BAIAP2L2: variants seen among roughly 807,000 people sequenced by gnomAD.
BAIAP2L2 encodes the protein BAR/IMD domain containing adaptor protein 2 like 2.
BAIAP2L2 carries 65 observed loss-of-function variants against 60.4 expected under a neutral mutation model. That is an observed-to-expected ratio of 1.08 (90% CI 0.88 to 1.32). The LOEUF (loss-of-function observed/expected upper bound fraction) is 1.32. BAIAP2L2 is among the 40% of genes most tolerant of loss of function. The pLI is 0.00. For missense variants in BAIAP2L2, 836 were observed against 741.2 expected, an observed-to-expected ratio of 1.13 and a Z score of -1.48; for synonymous variants, 344 against 301.7, an observed-to-expected ratio of 1.14 and a Z score of -1.45.
chr22:38,104,035 G>A (rs2086615704), intron 4 of BAIAP2L2, among the ~76,000 whole-genome samples: 1 of 152,134 alleles, frequency 6.6e-6, no homozygotes, highest in South Asian at 2.1e-4. Context: ...AAGTTAATTG[G>A]TGGCTTCACC....
In BAIAP2L2 at chr22:38,087,014, C is replaced by CAAAACAAA. The variant is rs1305080971; in HGVS notation, c.1259+102_1259+109dup. On this transcript the variant is annotated intron_variant, in intron 11 of 13. Coordinates refer to ENST00000381669, the MANE Select transcript of BAIAP2L2 (RefSeq NM_025045.6). ...CTGTCTCAAAAAAAAAAAAACAAAACAAAACAAAAAAACAAAAAAACAAGC... is the reference window on the plus strand; with the variant it reads ...CTGTCTCAAAAAAAAAAAAACAAAACAAAACAAAAAAACAAAAAAACAAAAAAACAAGC... The CAAAACAAA allele has an allele frequency of 9.4e-6, 10 of 1,062,126 alleles. No individual in the cohort carries two copies. The East Asian group carries it at 2.9e-4, about 30-fold the overall frequency. 65.8% of individuals were successfully genotyped at this position (1,062,126 alleles called of 1,614,324 possible). A position where few individuals can be genotyped will look rare whatever the true frequency, so the allele number is the denominator to read the frequency against.
At chr22:38,104,212 A>G (rs2086618591) in intron 4 of BAIAP2L2, among the ~76,000 whole-genome samples, 1 of 152,218 alleles carries the variant, frequency 6.6e-6, no homozygotes, top group Non-Finnish European at 1.5e-5. Flanking sequence ...AATGCTTTGA[A>G]AAGGCATGGG....
intron 10 of BAIAP2L2, among the ~76,000 whole-genome samples, chr22:38,088,349 G>A (rs1437378363): frequency 6.6e-6 from 1 of 152,214 alleles, no homozygotes; most frequent in African/African-American, 2.4e-5. Context: ...CCGCAAAGAG[G>A]TGAGCACATT....
intron 7 of BAIAP2L2, chr22:38,091,558 AAC>A (rs2086300785): frequency 1.3e-5 from 2 of 152,208 alleles, no homozygotes; most frequent in African/African-American, 4.8e-5. Flanking sequence ...GGTGAGAAGA[AAC>A]ACTGCATACG....
Position 38,110,501 on chromosome 22 carries a change from A to G in BAIAP2L2, c.25T>C (p.Tyr9His), listed in dbSNP as rs997281473. 6 of 1,611,932 alleles carry G rather than the reference A, an allele frequency of 3.7e-6. No homozygotes were observed. Among genetic ancestry groups the G allele is most frequent in the Middle Eastern group, 1.7e-4 (1 of 6,038 alleles). ...TTGTAGATGGCCATGGTGGACCTGT[A>G]GAACTGGTCCATCTCGGGGGCCATG... MAPEMDQF[Y>H]RSTMAIYKSI... Residue 9 changes from tyrosine to histidine, a missense_variant, in exon 1 of 14, where the codon TAC becomes CAC. Coordinates refer to ENST00000381669, the MANE Select transcript of BAIAP2L2 (RefSeq NM_025045.6).
intron 1 of BAIAP2L2, 149 bp downstream of exon 1, chr22:38,110,326 C>T: frequency 1.3e-6 from 1 of 773,504 alleles, no homozygotes; most frequent in South Asian, 1.6e-5. Flanking sequence ...GATCCTTACC[C>T]CCGTACCCAC....
intron 4 of BAIAP2L2, among the ~76,000 whole-genome samples, chr22:38,105,743 C>T (rs988451057): frequency 7.9e-5 from 12 of 152,152 alleles, no homozygotes; most frequent in African/African-American, 2.2e-4. Flanking sequence ...TTGCATGGAA[C>T]GTGTTACGTA....
At chr22:38,109,921 C>T (rs903818751) in intron 1 of BAIAP2L2, among the ~76,000 whole-genome samples, 5 of 150,410 alleles carry the variant, frequency 3.3e-5, no homozygotes, top group East Asian at 2.0e-4. Context: ...GGTGTGAGGC[C>T]TCCAGGTGAA....
rs1428936901 is a variant in BAIAP2L2, at chr22:38,108,341, G to A, written c.128C>T (p.Ala43Val). 6.2e-7 allele frequency: 1 copy of A among 1,611,910 alleles called. No individual in the cohort carries two copies. The highest frequency in any genetic ancestry group is 2.2e-5 in the East Asian group (1 of 44,866). Residue 43 changes from alanine to valine, a missense_variant and splice_region_variant, in exon 3 of 14, where the codon GCT becomes GTT. Coordinates refer to ENST00000381669, the MANE Select transcript of BAIAP2L2 (RefSeq NM_025045.6). ...GTAGACCTCGGCCGCCTCGGACAGA[G>A]CTGTGGACCAGAAGGGACAGGTCTG... is the stretch of plus-strand genomic sequence containing the variant. ...LGNNYLRAFH[A>V]LSEAAEVYFS...
chr22:38,108,033 C>T, intron 3 of BAIAP2L2, 120 bp from the exon 4 acceptor site: 1 of 1,138,186 alleles, frequency 8.8e-7, no homozygotes, highest in Non-Finnish European at 1.3e-6. Context: ...GGACCAAAGT[C>T]CGGGAACTTC....
intron 10 of BAIAP2L2, among the ~76,000 whole-genome samples, chr22:38,087,949 C>A (rs997154233): frequency 1.3e-5 from 2 of 149,174 alleles, no homozygotes; most frequent in Admixed American, 1.3e-4. Context: ...CCTACCCAGA[C>A]GCACATCCCC....
chr22:38,091,546 T>G (rs1249578781), intron 7 of BAIAP2L2: 1 of 151,868 alleles, frequency 6.6e-6, no homozygotes, highest in Non-Finnish European at 1.5e-5. Context: ...AAATAAATGG[T>G]GGGTGAGAAG....
intron 3 of BAIAP2L2, 56 bp downstream of exon 3, chr22:38,108,199 C>A: frequency 6.6e-7 from 1 of 1,512,168 alleles, no homozygotes; most frequent in South Asian, 1.2e-5. Context: ...CCTGGAAGGG[C>A]AAGGGTGCAA....
chr22:38,086,588 G>A (rs1001543354), intron 11 of BAIAP2L2, 139 bp from the exon 12 acceptor site: 19 of 669,688 alleles, frequency 2.8e-5, no homozygotes, highest in South Asian at 4.1e-5. Flanking sequence ...ACTGTTGACC[G>A]GAGGGAGGTC....
intron 2 of BAIAP2L2, 73 bp from the exon 3 acceptor site, chr22:38,108,414 G>A (rs2086714054): frequency 8.2e-7 from 1 of 1,214,174 alleles, no homozygotes; most frequent in Non-Finnish European, 1.2e-6. Flanking sequence ...TTTTCATCTG[G>A]AGGGGACTGT....
chr22:38,099,598 C>T (rs2086522845), intron 4 of BAIAP2L2, among the ~76,000 whole-genome samples: 1 of 152,194 alleles, frequency 6.6e-6, no homozygotes, highest in Non-Finnish European at 1.5e-5. Context: ...TGATGAGCTT[C>T]GATTCTGTGG....
Position 38,107,897 on chromosome 22 carries a change from C to T in BAIAP2L2, c.231G>A (p.Gln77=). 1.2e-6 allele frequency: 2 copies of T among 1,613,508 alleles called. No homozygotes were observed. Among genetic ancestry groups the T allele is most frequent in the Non-Finnish European group, 8.5e-7 (1 of 1,179,950 alleles). ...TSQILGEILV[Q]MSDTQRHLNS... The stretch of plus-strand genomic sequence containing the variant: ...TCAAGTGCCGCTGGGTGTCAGACAT[C>T]TGCACCAAGATCTCCCCTGGAGGCA... The change falls in exon 4 of 14, where the codon CAG becomes CAA. Residue 77 remains glutamine (Q), a synonymous_variant. Coordinates refer to ENST00000381669, the MANE Select transcript of BAIAP2L2 (RefSeq NM_025045.6).
chr22:38,090,128 T>C (rs1484483957), intron 7 of BAIAP2L2: 8 of 125,250 alleles, frequency 6.4e-5, no homozygotes, highest in African/African-American at 2.8e-4. Context: ...TTTTTTTTTT[T>C]TAGACGGAGT....
At position 38,085,225 on chromosome 22, in the gene BAIAP2L2, C is replaced by A; in HGVS notation, c.*75G>T. The A allele has an allele frequency of 6.7e-7, 1 of 1,490,652 alleles. No individual in the cohort carries two copies. The highest frequency in any genetic ancestry group is 1.2e-5 in the South Asian group (1 of 85,640). 92.3% of individuals were successfully genotyped at this position (1,490,652 alleles called of 1,614,324 possible). A position where few individuals can be genotyped will look rare whatever the true frequency, so the allele number is the denominator to read the frequency against. On this transcript the variant is annotated 3_prime_UTR_variant, in exon 14 of 14. Coordinates refer to ENST00000381669, the MANE Select transcript of BAIAP2L2 (RefSeq NM_025045.6). Reference sequence around the variant, plus strand: ...CCGCTTCTTGGATCTGCTGCTGTTGCTGCTGTCGCTGCCATTGCCAGCTCT... The same window carrying A: ...CCGCTTCTTGGATCTGCTGCTGTTGATGCTGTCGCTGCCATTGCCAGCTCT...
Sources: allele counts gnomAD v4.1 joint callset (sites outside exome capture counted in the v4.1 genomes callset), GRCh38; gene constraint gnomAD v4.1.1; transcripts MANE v1.5; gene names NCBI Gene and HGNC (gene_info 2026-07-23, HGNC 2026-07-21).